The following CSMD1 variants were observed in gnomAD, a reference collection of about 807,000 sequenced individuals.
CSMD1 encodes the protein CUB and Sushi multiple domains 1.
In CSMD1, 213 loss-of-function variants were observed where a neutral mutation model predicts 417.5. That is an observed-to-expected ratio of 0.51 (90% CI 0.46 to 0.57). The LOEUF (loss-of-function observed/expected upper bound fraction) is 0.57. Ranked by LOEUF, CSMD1 falls within the 20% of genes least tolerant of loss-of-function variation. CSMD1 has a pLI of 0.00. For synonymous variants in CSMD1, 2,862 were observed against 1,736.8 expected, an observed-to-expected ratio of 1.65 and a Z score of -16.11; for missense variants, 6,923 against 4,529.7, an observed-to-expected ratio of 1.53 and a Z score of -15.17.
intron 1 of CSMD1, among the ~76,000 whole-genome samples, chr8:4,674,027 G>A (rs541980372): frequency 6.6e-6 from 1 of 152,156 alleles, no homozygotes; most frequent in Admixed American, 6.5e-5. Context: ...GGTATGAGAA[G>A]TATATCTCAA....
chr8:4,939,090 G>C (rs1807813554), intron 1 of CSMD1, among the ~76,000 whole-genome samples: 1 of 152,140 alleles, frequency 6.6e-6, no homozygotes, highest in African/African-American at 2.4e-5. Context: ...CCCTCTGCGG[G>C]TTGCCTCTTT....
At chr8:2,986,303 G>A (rs1324637010) in intron 54 of CSMD1, among the ~76,000 whole-genome samples, 1 of 152,118 alleles carries the variant, frequency 6.6e-6, no homozygotes, top group Non-Finnish European at 1.5e-5. Context: ...AGAGGGTACT[G>A]TGGCTACCAC....
chr8:3,449,756 G>A (rs1206381905), intron 12 of CSMD1, among the ~76,000 whole-genome samples: 2 of 152,062 alleles, frequency 1.3e-5, no homozygotes, highest in East Asian at 1.9e-4. Context: ...GACCTCAGGT[G>A]ATCCTCCCAC....
At chr8:3,501,403 T>C (rs1796595334) in intron 10 of CSMD1, among the ~76,000 whole-genome samples, 1 of 152,236 alleles carries the variant, frequency 6.6e-6, no homozygotes, top group African/African-American at 2.4e-5. Flanking sequence ...AATAACATGT[T>C]TGTGTCAGAA....
At chr8:4,742,434 T>C (rs1432586167) in intron 1 of CSMD1, among the ~76,000 whole-genome samples, 1 of 152,170 alleles carries the variant, frequency 6.6e-6, no homozygotes, top group South Asian at 2.1e-4. Flanking sequence ...ATTTTTCTTA[T>C]GACTAAGATT....
chr8:3,623,996 A>G (rs185614536), intron 7 of CSMD1, among the ~76,000 whole-genome samples: 12 of 152,178 alleles, frequency 7.9e-5, no homozygotes, highest in African/African-American at 2.9e-4. Context: ...CAAAACAAAA[A>G]AAAAACCTTT....
intron 46 of CSMD1, among the ~76,000 whole-genome samples, chr8:3,105,140 A>T (rs902127741): frequency 1.6e-4 from 24 of 152,328 alleles, no homozygotes; most frequent in African/African-American, 5.8e-4. Flanking sequence ...CAAAAAGATA[A>T]ATTCATTTAA....
intron 7 of CSMD1, among the ~76,000 whole-genome samples, chr8:3,659,042 C>A (rs193042902): frequency 6.6e-6 from 1 of 152,114 alleles, no homozygotes; most frequent in African/African-American, 2.4e-5. Flanking sequence ...ATTAACACGG[C>A]GCCATTGCAT....
chr8:4,558,180 T>A (rs189582827), intron 2 of CSMD1, among the ~76,000 whole-genome samples: 2 of 152,182 alleles, frequency 1.3e-5, no homozygotes, highest in African/African-American at 4.8e-5. Flanking sequence ...TACAAAAGCA[T>A]CTAAACAAGA....
intron 3 of CSMD1, among the ~76,000 whole-genome samples, chr8:4,034,040 A>T (rs1390632334): frequency 6.6e-6 from 1 of 152,334 alleles, no homozygotes; most frequent in African/African-American, 2.4e-5. Flanking sequence ...AATTGAACAG[A>T]AACTATTTCA....
intron 8 of CSMD1, among the ~76,000 whole-genome samples, chr8:3,610,866 C>T (rs1801857917): frequency 2.0e-5 from 3 of 152,156 alleles, no homozygotes; most frequent in East Asian, 1.9e-4. Context: ...TATGTGCCTT[C>T]TTCACTGAGT....
intron 12 of CSMD1, among the ~76,000 whole-genome samples, chr8:3,466,918 C>A (rs1437329429): frequency 6.6e-6 from 1 of 152,002 alleles, no homozygotes; most frequent in Non-Finnish European, 1.5e-5. Context: ...TTTTTAAAAT[C>A]CTCAAATGTT....
intron 7 of CSMD1, among the ~76,000 whole-genome samples, chr8:3,674,527 T>A (rs904713948): frequency 2.0e-5 from 3 of 152,174 alleles, no homozygotes; most frequent in African/African-American, 7.2e-5. Flanking sequence ...TTAGATAATT[T>A]AACAATATTA....
At chr8:4,175,946 T>A (rs1412786156) in intron 3 of CSMD1, among the ~76,000 whole-genome samples, 3 of 152,098 alleles carry the variant, frequency 2.0e-5, no homozygotes, top group Non-Finnish European at 4.4e-5. Context: ...CTGTCGACAT[T>A]GGTGGCATGG....
chr8:4,477,003 A>G (rs1256692849), intron 2 of CSMD1, among the ~76,000 whole-genome samples: 2 of 152,216 alleles, frequency 1.3e-5, no homozygotes, highest in Admixed American at 6.5e-5. Context: ...TAGGATGGAC[A>G]GGTGGCTGTG....
At chr8:4,423,413 G>A (rs1797362474) in intron 2 of CSMD1, among the ~76,000 whole-genome samples, 1 of 151,776 alleles carries the variant, frequency 6.6e-6, no homozygotes, top group African/African-American at 2.4e-5. Context: ...CTACATACTA[G>A]CAATGAACAC....
chr8:3,723,431 G>A (rs748391334), intron 6 of CSMD1, among the ~76,000 whole-genome samples: 8 of 152,180 alleles, frequency 5.3e-5, no homozygotes, highest in Admixed American at 2.6e-4. Context: ...CAAGGAGGGT[G>A]CATTATCCAA....
rs1205016415 is a variant in CSMD1, at chr8:3,110,307, C to G, written c.6459G>C (p.Gln2153His). Residue 2153 changes from glutamine (Q) to histidine (H), a missense_variant, in exon 43 of 70, where the codon CAG becomes CAC. Physicochemically the swap from Gln to His is conservative, Grantham distance 24. Transcript: ENST00000635120. ...AGCCAGGGGAGTAGATGGTGCCGTTCTGAGAAGTTACGTTGTACCCACAAG... is the reference window on the plus strand; with the variant it reads ...AGCCAGGGGAGTAGATGGTGCCGTTGTGAGAAGTTACGTTGTACCCACAAG... ...DAPCGYNVTSQNGTIYSPGFP... is the reference protein window; with the variant it reads ...DAPCGYNVTSHNGTIYSPGFP... The G allele has an allele frequency of 1.2e-6, 2 of 1,612,656 alleles. No homozygotes were observed. Among genetic ancestry groups the G allele is most frequent in the South Asian group, 1.1e-5 (1 of 90,668 alleles).
chr8:3,154,553 A>G (rs1819400768), intron 39 of CSMD1, among the ~76,000 whole-genome samples: 1 of 152,136 alleles, frequency 6.6e-6, no homozygotes, highest in Non-Finnish European at 1.5e-5. Flanking sequence ...TGGCGGGAGA[A>G]AGAATATACA....
Sources: gnomAD v4.1 joint callset for allele counts (sites outside exome capture counted in the v4.1 genomes callset) on GRCh38, gnomAD v4.1.1 for gene constraint, MANE v1.5 for transcripts, NCBI Gene and HGNC (gene_info 2026-07-23, HGNC 2026-07-21) for gene names.